Variants in ATXN1 observed in about 807,000 individuals in gnomAD.
The protein encoded by ATXN1 is ataxin 1.
ATXN1 carries 8 observed loss-of-function variants against 56.4 expected under a neutral mutation model. The observed-to-expected ratio is 0.14, with a 90% CI of 0.08 to 0.26. ATXN1 has a LOEUF of 0.26. Among genes scored for constraint, ATXN1 ranks in the 10% least tolerant of loss-of-function variants. The pLI, the probability that ATXN1 is intolerant of heterozygous loss-of-function variation, is 1.00. For missense variants in ATXN1, 987 were observed against 1,106.5 expected (o/e 0.89, Z 1.53); for synonymous variants, 514 against 494.6 (o/e 1.04, Z -0.52).
chr6:16,399,243 A>G (rs1207775615), intron 6 of ATXN1, among the ~76,000 whole-genome samples: 2 of 152,340 alleles, frequency 1.3e-5, no homozygotes, highest in East Asian at 1.9e-4. Context: ...GTGAATTACT[A>G]ACACCATTAC....
intron 2 of ATXN1, among the ~76,000 whole-genome samples, chr6:16,719,295 C>T (rs887361384): frequency 6.6e-6 from 1 of 152,158 alleles, no homozygotes; most frequent in Non-Finnish European, 1.5e-5. Flanking sequence ...TCCCCCAAAG[C>T]ACAGGAAGAA....
intron 2 of ATXN1, among the ~76,000 whole-genome samples, chr6:16,736,288 T>C (rs893570466): frequency 7.2e-5 from 11 of 152,240 alleles, no homozygotes; most frequent in East Asian, 1.9e-4. Flanking sequence ...TTGGGAAATA[T>C]ATACGTTCTG....
intron 2 of ATXN1, among the ~76,000 whole-genome samples, chr6:16,731,080 C>T (rs10484366): frequency 0.047 from 7,168 of 152,232 alleles, 414 homozygotes; most frequent in East Asian, 0.32. Context: ...ATGTAAAACT[C>T]CCTGAAAGAC....
intron 4 of ATXN1, among the ~76,000 whole-genome samples, chr6:16,570,130 T>C (rs1223071466): frequency 6.6e-6 from 1 of 152,224 alleles, no homozygotes; most frequent in Non-Finnish European, 1.5e-5. Context: ...TTGTTGCATC[T>C]CAGGAAATGT....
At chr6:16,596,285 G>C in intron 3 of ATXN1, among the ~76,000 whole-genome samples, 1 of 152,190 alleles carries the variant, frequency 6.6e-6, no homozygotes, top group East Asian at 1.9e-4. Context: ...TGTGGCCACC[G>C]TGCCCAGCCT....
chr6:16,529,774 A>G (rs1426732472), intron 4 of ATXN1, among the ~76,000 whole-genome samples: 2 of 152,190 alleles, frequency 1.3e-5, no homozygotes, highest in Admixed American at 6.5e-5. Flanking sequence ...TAAACTTACT[A>G]TGGCATGATG....
intron 2 of ATXN1, among the ~76,000 whole-genome samples, chr6:16,676,735 CTTGT>C (rs748531061): frequency 5.3e-5 from 8 of 152,174 alleles, no homozygotes; most frequent in Non-Finnish European, 7.3e-5. Flanking sequence ...TTATGGACTG[CTTGT>C]TGTGATAAAA....
intron 6 of ATXN1, among the ~76,000 whole-genome samples, chr6:16,414,681 C>T (rs1405834704): frequency 2.0e-5 from 3 of 152,212 alleles, no homozygotes; most frequent in Non-Finnish European, 4.4e-5. Context: ...AGAGCCTCTT[C>T]ACTCAGGCCT....
chr6:16,456,629 ACCCATCTAT>A (rs1210147530), intron 6 of ATXN1, among the ~76,000 whole-genome samples: 1 of 152,034 alleles, frequency 6.6e-6, no homozygotes, highest in Non-Finnish European at 1.5e-5. Context: ...AACAAGACTC[ACCCATCTAT>A]CCTATCTATC....
intron 4 of ATXN1, among the ~76,000 whole-genome samples, chr6:16,543,149 G>T (rs554751014): frequency 1.0e-3 from 155 of 152,252 alleles, no homozygotes; most frequent in African/African-American, 3.3e-3. Flanking sequence ...TACAAAATGC[G>T]AGACAAGCAA....
chr6:16,722,941 C>T lies in ATXN1; in HGVS notation c.-615+30292G>A, dbSNP rs573995295. Among the ~76,000 whole-genome samples, 11 of 152,326 alleles carry T rather than the reference C, an allele frequency of 7.2e-5. 1 individual carries two copies. Among genetic ancestry groups the T allele is most frequent in the Middle Eastern group, 6.8e-3 (2 of 294 alleles). On this transcript the variant is annotated intron_variant, in intron 2 of 7. Coordinates refer to ENST00000436367, the MANE Select transcript of ATXN1 (RefSeq NM_001128164.2). Reference sequence around the variant, plus strand: ...ACACACACACTCTCTCTCACACACACGCAAATACAGAAGTATTTTCTACCA... The same window carrying T: ...ACACACACACTCTCTCTCACACACATGCAAATACAGAAGTATTTTCTACCA...
intron 3 of ATXN1, chr6:16,614,958 A>T (rs1472449668): frequency 6.6e-6 from 1 of 151,364 alleles, no homozygotes; most frequent in East Asian, 1.9e-4. Context: ...AAAATAATAT[A>T]AATACAAATG....
At chr6:16,463,443 C>A (rs1291262333) in intron 6 of ATXN1, among the ~76,000 whole-genome samples, 1 of 152,162 alleles carries the variant, frequency 6.6e-6, no homozygotes, top group Non-Finnish European at 1.5e-5. Context: ...CTACAGGAAC[C>A]AGAATAGCCA....
chr6:16,586,212 CT>C (rs1262039762), intron 3 of ATXN1, among the ~76,000 whole-genome samples: 1 of 152,194 alleles, frequency 6.6e-6, no homozygotes, highest in Admixed American at 6.5e-5. Context: ...AATCCCGTTC[CT>C]GCCCCTCCTT....
intron 6 of ATXN1, among the ~76,000 whole-genome samples, chr6:16,353,770 A>G (rs950386220): frequency 1.3e-5 from 2 of 152,262 alleles, no homozygotes; most frequent in Non-Finnish European, 2.9e-5. Flanking sequence ...ATAAATAAAT[A>G]AAAACTGCTA....
chr6:16,635,533 C>T (rs1339170845), intron 3 of ATXN1, among the ~76,000 whole-genome samples: 2 of 152,088 alleles, frequency 1.3e-5, no homozygotes, highest in Admixed American at 6.6e-5. Context: ...AGAAGTTCAA[C>T]GAGAGCTAAC....
intron 6 of ATXN1, among the ~76,000 whole-genome samples, chr6:16,475,436 T>C (rs1282286189): frequency 6.6e-6 from 1 of 152,232 alleles, no homozygotes; most frequent in Non-Finnish European, 1.5e-5. Context: ...CATAACAGCA[T>C]CATGGCTGCC....
At chr6:16,630,663 G>A (rs990283537) in intron 3 of ATXN1, among the ~76,000 whole-genome samples, 2 of 152,152 alleles carry the variant, frequency 1.3e-5, no homozygotes, top group Non-Finnish European at 2.9e-5. Context: ...TATTAAAATG[G>A]AGGTTCTCAG....
chr6:16,518,107 C>G (rs1384193346), intron 5 of ATXN1, among the ~76,000 whole-genome samples: 2 of 96,462 alleles, frequency 2.1e-5, no homozygotes, highest in Non-Finnish European at 1.9e-5. Context: ...ATGCAGAAGC[C>G]CAAGCGCCAC....
Sources: gnomAD v4.1 joint callset for allele counts (sites outside exome capture counted in the v4.1 genomes callset) on GRCh38, gnomAD v4.1.1 for gene constraint, MANE v1.5 for transcripts, NCBI Gene and HGNC (gene_info 2026-07-23, HGNC 2026-07-21) for gene names.